Variants in GALNT12 observed in about 807,000 individuals in gnomAD.
GALNT12 encodes the protein polypeptide N-acetylgalactosaminyltransferase 12, also known as UDP-GalNAc:polypeptide N-acetylgalactosaminyltransferase 12.
In GALNT12, 45 loss-of-function variants were observed where a neutral mutation model predicts 55.5. That is an observed-to-expected ratio of 0.81 (90% CI 0.64 to 1.04). The LOEUF is 1.04. Among genes scored for constraint, GALNT12 ranks in the 50% least tolerant of loss-of-function variants. The pLI is 0.00. For missense variants in GALNT12, 709 were observed against 754.8 expected (o/e 0.94, Z 0.71); for synonymous variants, 304 against 312.2 (o/e 0.97, Z 0.28).
chr9:98,823,230 T>C, intron 1 of GALNT12, 26 bp from the exon 2 acceptor site: 1 of 1,612,314 alleles, frequency 6.2e-7, no homozygotes, highest in Non-Finnish European at 8.5e-7. Flanking sequence ...AGATCCTGAG[T>C]TCCTGAAGTT....
At chr9:98,822,924 G>T (rs191377256) in intron 1 of GALNT12, among the ~76,000 whole-genome samples, 106 of 152,304 alleles carry the variant, frequency 7.0e-4, no homozygotes, top group African/African-American at 2.5e-3. Context: ...GAGTGAGACT[G>T]GGGCAGAGTA....
intron 4 of GALNT12, among the ~76,000 whole-genome samples, chr9:98,832,796 A>G (rs1836033635): frequency 6.6e-6 from 1 of 152,208 alleles, no homozygotes; most frequent in African/African-American, 2.4e-5. Flanking sequence ...CCTAGAGAAC[A>G]TCATTCCTTG....
Position 98,837,033 on chromosome 9 carries a change from C to T in GALNT12, c.1097C>T (p.Pro366Leu). ...TGTTCCCATGTTGGCCATGTTTTCC[C>T]CAAGCAAGCTCCCTACTCCCGCAAC... is the stretch of plus-strand genomic sequence containing the variant. ...HPCSHVGHVF[P>L]KQAPYSRNKA... Residue 366 changes from proline (P) to leucine (L), a missense_variant, in exon 6 of 10, where the codon CCC (proline) becomes CTC (leucine). By Grantham distance (98) the Pro-to-Leu change is moderately conservative. Coordinates refer to ENST00000375011, the MANE Select transcript of GALNT12 (RefSeq NM_024642.5). The T allele has an allele frequency of 6.2e-7, 1 of 1,614,140 alleles. No individual in the cohort carries two copies. The highest frequency in any genetic ancestry group is 8.5e-7 in the Non-Finnish European group (1 of 1,180,038).
chr9:98,826,788 G>A lies in GALNT12; in HGVS notation c.578G>A (p.Gly193Glu). ...GAGCGCTTGGCCAATGAGCTTTCGG[G>A]ACTGCCCAAGGTGCGCCTGATCCGC... The part of the protein sequence containing the change: ...LKERLANELS[G>E]LPKVRLIRAN... The change falls in exon 3 of 10, where the codon GGA becomes GAA. Residue 193 changes from glycine to glutamate, a missense_variant. Gly to Glu is a moderately conservative substitution (Grantham distance 98). Around this residue, in one of 5 missense-constraint regions of GALNT12, gnomAD observed 315 missense variants for 288.6 expected, o/e 1.09. Transcript: ENST00000375011. 2 of 1,611,870 alleles carry A rather than the reference G, an allele frequency of 1.2e-6. No individual in the cohort carries two copies. Among genetic ancestry groups the A allele is most frequent in the East Asian group, 4.5e-5 (2 of 44,872 alleles).
chr9:98,809,354 C>T (rs1835444290), intron 1 of GALNT12, among the ~76,000 whole-genome samples: 1 of 152,234 alleles, frequency 6.6e-6, no homozygotes. Flanking sequence ...ATAGTAGTTC[C>T]TCCACTCACC....
chr9:98,843,730 T>C (rs1836349924), intron 7 of GALNT12, among the ~76,000 whole-genome samples: 3 of 152,218 alleles, frequency 2.0e-5, no homozygotes, highest in African/African-American at 7.2e-5. Context: ...TCTTTGTGTC[T>C]ATCGCCTGCT....
chr9:98,819,386 G>T lies in GALNT12; in HGVS notation c.372-3870G>T, dbSNP rs531704871. On this transcript the variant is annotated intron_variant, in intron 1 of 9. Transcript: ENST00000375011. ...GGGGATTCGGCTCCTGGCTGGCTAG[G>T]TGCTGGTGGGGATGCCCAGTGGCTT... Among the ~76,000 whole-genome samples, 5 of 152,336 alleles carry T rather than the reference G, an allele frequency of 3.3e-5. No homozygotes were observed. In the East Asian group the frequency reaches 9.6e-4, roughly 29 times the overall value.
In GALNT12 at chr9:98,831,949, T is replaced by C. The variant is rs777028537; in HGVS notation, c.909T>C (p.Asp303=). 1.4e-5 allele frequency: 22 copies of C among 1,613,708 alleles called. No homozygotes were observed. The Admixed American group carries it at 3.7e-4, about 27-fold the overall frequency. The part of the protein sequence containing the change: ...RERIRMQSPV[D]VIRSPTMAGG... ...GGATACGGATGCAATCCCCCGTCGA[T>C]GTCATCAGGTCAGGAGCTGACTTCT... The change falls in exon 4 of 10, where the codon GAT becomes GAC. Residue 303 remains aspartate, a synonymous_variant. Coordinates refer to ENST00000375011, the MANE Select transcript of GALNT12 (RefSeq NM_024642.5).
intron 9 of GALNT12, among the ~76,000 whole-genome samples, 170 bp downstream of exon 9, chr9:98,846,293 G>T (rs771570119): frequency 2.0e-4 from 31 of 152,106 alleles, no homozygotes; most frequent in Non-Finnish European, 4.3e-4. Flanking sequence ...CCTGGGGGGC[G>T]GTGATGGCAG....
intron 2 of GALNT12, among the ~76,000 whole-genome samples, chr9:98,826,007 A>C (rs1422095049): frequency 6.6e-6 from 1 of 151,700 alleles, no homozygotes; most frequent in Non-Finnish European, 1.5e-5. Context: ...TAATGCTTTT[A>C]TTTATTGATT....
intron 1 of GALNT12, among the ~76,000 whole-genome samples, chr9:98,816,651 C>CTTT (rs374259532): frequency 2.2e-5 from 3 of 138,634 alleles, no homozygotes; most frequent in Admixed American, 7.3e-5. Context: ...AAGCAATTAA[C>CTTT]TTTTTTTTTT....
At chr9:98,830,949 G>A (rs1016992304) in intron 3 of GALNT12, among the ~76,000 whole-genome samples, 4 of 152,184 alleles carry the variant, frequency 2.6e-5, no homozygotes, top group East Asian at 3.9e-4. Context: ...TCCAGACAAC[G>A]TCCCCCAAAA....
intron 4 of GALNT12, among the ~76,000 whole-genome samples, chr9:98,832,267 C>T (rs12340085): frequency 0.26 from 39,493 of 152,122 alleles, 5,900 homozygotes; most frequent in Admixed American, 0.32. Context: ...TGCCTATAAT[C>T]CCAGTACTTT....
At position 98,826,873 on chromosome 9, in the gene GALNT12, C is replaced by T. The variant is rs1477617229; in HGVS notation, c.663C>T (p.Gly221=). Residue 221 remains glycine (G), a synonymous_variant, in exon 3 of 10, where the codon GGC becomes GGT. Coordinates refer to ENST00000375011, the MANE Select transcript of GALNT12 (RefSeq NM_024642.5). ...TGCTGGGGGCGTCTGCGGCGAGGGG[C>T]GATGTTCTGACCTTCCTGGACTGTC... ...ARLLGASAAR[G]DVLTFLDCHC... is the part of the protein sequence containing the mutation. 4 of 1,597,340 alleles carry T rather than the reference C, an allele frequency of 2.5e-6. No homozygotes were observed. Among genetic ancestry groups the T allele is most frequent in the Non-Finnish European group, 3.4e-6 (4 of 1,172,220 alleles).
chr9:98,814,100 C>T (rs140969379), intron 1 of GALNT12, among the ~76,000 whole-genome samples: 214 of 152,190 alleles, frequency 1.4e-3, no homozygotes, highest in African/African-American at 5.0e-3. Context: ...GATGTCATCA[C>T]GAAATTATTG....
At chr9:98,846,997 C>T (rs1373874790) in intron 9 of GALNT12, among the ~76,000 whole-genome samples, 1 of 152,084 alleles carries the variant, frequency 6.6e-6, no homozygotes, top group African/African-American at 2.4e-5. Flanking sequence ...AAGAAAACAC[C>T]TCTGATAGAG....
At chr9:98,848,794 C>T in intron 9 of GALNT12, 158 bp from the exon 10 acceptor site, 1 of 841,660 alleles carries the variant, frequency 1.2e-6, no homozygotes, top group Non-Finnish European at 1.9e-6. Flanking sequence ...TGCTGTGTCC[C>T]CGGGACAGTC....
chr9:98,809,166 C>A (rs573244670), intron 1 of GALNT12, among the ~76,000 whole-genome samples: 1 of 152,214 alleles, frequency 6.6e-6, no homozygotes, highest in Non-Finnish European at 1.5e-5. Flanking sequence ...ATTTTAGGGG[C>A]CTGCTCCATG....
intron 2 of GALNT12, among the ~76,000 whole-genome samples, 187 bp from the exon 3 acceptor site, chr9:98,826,563 CCT>C (rs2118374681): frequency 6.6e-6 from 1 of 152,272 alleles, no homozygotes; most frequent in South Asian, 2.1e-4. Context: ...CCAGCCTCCT[CCT>C]GGCCTTCGGA....
Sources: gnomAD v4.1 joint callset for allele counts (sites outside exome capture counted in the v4.1 genomes callset) on GRCh38, gnomAD v4.1.1 for gene constraint, gnomAD v4.1.1 regional missense constraint, MANE v1.5 for transcripts, NCBI Gene and HGNC (gene_info 2026-07-23, HGNC 2026-07-21) for gene names.